The following C12orf42 variants were observed in gnomAD, a reference collection of about 807,000 sequenced individuals.
C12orf42 encodes uncharacterized protein C12orf42.
C12orf42 carries 25 observed loss-of-function variants against 21.6 expected under a neutral mutation model. That is an observed-to-expected ratio of 1.16 (90% CI 0.84 to 1.62). C12orf42 has a LOEUF of 1.62. C12orf42 is among the 40% of genes most tolerant of loss of function. The pLI, the probability that C12orf42 is intolerant of heterozygous loss-of-function variation, is 0.00. For synonymous variants in C12orf42, 174 were observed against 175.0 expected (o/e 0.99, Z 0.05); for missense variants, 483 against 459.3 (o/e 1.05, Z -0.47).
At chr12:103,411,813 G>A (rs2048870524) in intron 2 of C12orf42, among the ~76,000 whole-genome samples, 1 of 152,154 alleles carries the variant, frequency 6.6e-6, no homozygotes, top group African/African-American at 2.4e-5. Flanking sequence ...ACAGCATCCT[G>A]AACAGACTAA....
At chr12:103,383,201 T>C (rs1359451309) in intron 3 of C12orf42, among the ~76,000 whole-genome samples, 2 of 151,734 alleles carry the variant, frequency 1.3e-5, no homozygotes, top group African/African-American at 2.4e-5. Context: ...TCTTGGCTCA[T>C]TGCAATTCTC....
At chr12:103,094,511 C>G in the C12orf42 span, among the ~76,000 whole-genome samples, 1 of 152,156 alleles carries the variant, frequency 6.6e-6, no homozygotes, top group Non-Finnish European at 1.5e-5. Context: ...TGAGTTCTTT[C>G]CCCTGGTACC....
the C12orf42 span, chr12:103,081,015 C>A: frequency 6.6e-6 from 1 of 152,308 alleles, no homozygotes; most frequent in Middle Eastern, 3.4e-3. Context: ...TCTACATGTA[C>A]TTATGTATTT....
At chr12:103,159,667 T>C in the C12orf42 span, 1 of 152,204 alleles carries the variant, frequency 6.6e-6, no homozygotes, top group African/African-American at 2.4e-5. Flanking sequence ...CAAACACCAT[T>C]TGCCATCCAT....
intron 4 of C12orf42, among the ~76,000 whole-genome samples, chr12:103,278,265 GA>G (rs1206902266): frequency 6.6e-6 from 1 of 152,060 alleles, no homozygotes; most frequent in African/African-American, 2.4e-5. Flanking sequence ...GATTTTCTGT[GA>G]AAATGAAACT....
the C12orf42 span, among the ~76,000 whole-genome samples, chr12:103,104,063 G>A: frequency 6.6e-6 from 1 of 151,962 alleles, no homozygotes; most frequent in Non-Finnish European, 1.5e-5. Context: ...CAGTAGTTAT[G>A]AATAAATGCA....
At chr12:103,339,945 T>G (rs2042028883) in intron 4 of C12orf42, among the ~76,000 whole-genome samples, 1 of 152,188 alleles carries the variant, frequency 6.6e-6, no homozygotes, top group Non-Finnish European at 1.5e-5. Context: ...AAAGACTTCT[T>G]AACAGCTGCT....
At chr12:103,430,147 A>G (rs1471107061) in intron 2 of C12orf42, among the ~76,000 whole-genome samples, 1 of 152,252 alleles carries the variant, frequency 6.6e-6, no homozygotes, top group Non-Finnish European at 1.5e-5. Context: ...CTGCACAGCA[A>G]AAGAAACTAT....
the C12orf42 span, among the ~76,000 whole-genome samples, chr12:103,200,545 T>C: frequency 3.9e-5 from 6 of 152,358 alleles, no homozygotes; most frequent in South Asian, 6.2e-4. Context: ...GATAGTTTAA[T>C]GGCATAGATT....
At chr12:103,443,991 C>G (rs1951423719) in intron 2 of C12orf42, among the ~76,000 whole-genome samples, 1 of 152,000 alleles carries the variant, frequency 6.6e-6, no homozygotes, top group Admixed American at 6.6e-5. Flanking sequence ...TCATCAATGT[C>G]AAATAAAAAT....
chr12:103,163,980 A>G, the C12orf42 span, among the ~76,000 whole-genome samples: 1 of 152,204 alleles, frequency 6.6e-6, no homozygotes, highest in Non-Finnish European at 1.5e-5. Context: ...GGGGGGTCCA[A>G]ACTAGATTTA....
intron 4 of C12orf42, among the ~76,000 whole-genome samples, chr12:103,317,441 A>T (rs1172065183): frequency 1.3e-5 from 2 of 152,142 alleles, no homozygotes; most frequent in African/African-American, 4.8e-5. Flanking sequence ...CATGTAAATC[A>T]CAGAAAATCT....
At chr12:103,379,126 G>A (rs1326625664) in intron 3 of C12orf42, among the ~76,000 whole-genome samples, 1 of 152,106 alleles carries the variant, frequency 6.6e-6, no homozygotes, top group Non-Finnish European at 1.5e-5. Context: ...GGTTTTATAT[G>A]TGATCACGGT....
At chr12:103,360,294 C>T (rs1011841805) in intron 4 of C12orf42, among the ~76,000 whole-genome samples, 1 of 151,708 alleles carries the variant, frequency 6.6e-6, no homozygotes, top group African/African-American at 2.4e-5. Flanking sequence ...ACTAGCAGGG[C>T]TCTGCTCCTA....
rs138796416 is a variant in C12orf42, at chr12:103,447,238, T to G, written c.78+31111A>C. Among the ~76,000 whole-genome samples, 19 of 151,982 alleles carry G rather than the reference T, an allele frequency of 1.3e-4. No homozygotes were observed. In the East Asian group the frequency reaches 3.7e-3, roughly 29 times the overall value. ...CAAAATCATGCTAATGCATGGAAAT[T>G]AAATAACCTGCTCCTGAATGATCAC... On this transcript the variant is annotated intron_variant, in intron 2 of 5. Transcript: ENST00000548883.
intron 4 of C12orf42, among the ~76,000 whole-genome samples, chr12:103,367,403 C>T (rs980423062): frequency 2.0e-5 from 3 of 149,866 alleles, no homozygotes; most frequent in African/African-American, 7.4e-5. Context: ...AGAACTTACT[C>T]ATGTAACCAA....
chr12:103,070,346 C>T, the C12orf42 span, among the ~76,000 whole-genome samples: 1 of 151,982 alleles, frequency 6.6e-6, no homozygotes, highest in East Asian at 1.9e-4. Flanking sequence ...TGGTTTTCAG[C>T]TCAGTTTCTC....
chr12:103,540,271 G>A, the C12orf42 span, among the ~76,000 whole-genome samples: 1 of 152,188 alleles, frequency 6.6e-6, no homozygotes, highest in African/African-American at 2.4e-5. Context: ...CTCCCAAAGT[G>A]CTGAGATTAC....
chr12:103,500,382 A>G (rs1188780968), upstream of C12orf42, among the ~76,000 whole-genome samples: 1 of 152,222 alleles, frequency 6.6e-6, no homozygotes, highest in Non-Finnish European at 1.5e-5. Flanking sequence ...TTTTTCTGAA[A>G]AGTTACATAA....
Sources: gnomAD v4.1 joint callset for allele counts (sites outside exome capture counted in the v4.1 genomes callset) on GRCh38, gnomAD v4.1.1 for gene constraint, MANE v1.5 for transcripts, NCBI Gene and HGNC (gene_info 2026-07-23, HGNC 2026-07-21) for gene names.